The following CCSER1 variants were observed in gnomAD, a reference collection of about 807,000 sequenced individuals.
CCSER1 encodes serine-rich coiled-coil domain-containing protein 1.
In CCSER1, 41 loss-of-function variants were observed where a neutral mutation model predicts 82.0. The observed-to-expected ratio is 0.50, with a 90% CI of 0.39 to 0.65. CCSER1 has a LOEUF of 0.65. Ranked by LOEUF, CCSER1 falls within the 30% of genes least tolerant of loss-of-function variation. CCSER1 has a pLI of 0.00. For synonymous variants in CCSER1, 414 were observed against 383.9 expected, an observed-to-expected ratio of 1.08 and a Z score of -0.92; for missense variants, 1,119 against 1,064.2, an observed-to-expected ratio of 1.05 and a Z score of -0.72.
chr4:91,252,845 A>G (rs1740359611), intron 10 of CCSER1, among the ~76,000 whole-genome samples: 1 of 152,176 alleles, frequency 6.6e-6, no homozygotes, highest in Non-Finnish European at 1.5e-5. Flanking sequence ...CCAAAACCCA[A>G]CTGAACACAA....
chr4:91,145,652 A>G (rs1463139886), intron 10 of CCSER1, among the ~76,000 whole-genome samples: 18 of 152,052 alleles, frequency 1.2e-4, no homozygotes, highest in Admixed American at 1.2e-3. Context: ...TATAGTGGTA[A>G]TAGACTCTCT....
Position 91,600,229 on chromosome 4 carries a change from T to C in CCSER1, c.*1172T>C, listed in dbSNP as rs1176465987. On this transcript the variant is annotated 3_prime_UTR_variant, in exon 11 of 11. Transcript: ENST00000509176. Reference sequence around the variant, plus strand: ...CAAATAAGGCCCAAATATGTTATAATATGTTATATACTTATGTGCACTTTA... The same window carrying C: ...CAAATAAGGCCCAAATATGTTATAACATGTTATATACTTATGTGCACTTTA... 1 of 152,164 alleles carries C rather than the reference T, an allele frequency of 6.6e-6. No homozygotes were observed. The highest frequency in any genetic ancestry group is 2.4e-5 in the African/African-American group (1 of 41,448). The allele number at this position is 152,164 out of a possible 1,614,324, so 9.4% of individuals were successfully genotyped here.
intron 10 of CCSER1, among the ~76,000 whole-genome samples, chr4:91,105,067 C>T (rs560608328): frequency 1.3e-5 from 2 of 152,076 alleles, no homozygotes; most frequent in South Asian, 4.1e-4. Flanking sequence ...TCTTACCCTT[C>T]TGAATCTCCA....
intron 5 of CCSER1, among the ~76,000 whole-genome samples, chr4:90,570,515 C>T (rs949930548): frequency 3.9e-5 from 6 of 152,124 alleles, no homozygotes; most frequent in East Asian, 1.9e-4. Flanking sequence ...GCTTTGACTC[C>T]GGCAAGCACA....
chr4:91,377,435 C>T (rs1362401126), intron 10 of CCSER1, among the ~76,000 whole-genome samples: 1 of 152,092 alleles, frequency 6.6e-6, no homozygotes, highest in Non-Finnish European at 1.5e-5. Flanking sequence ...TTTTAATGAT[C>T]ACCATTCTAA....
chr4:90,414,464 C>A (rs1015939968), intron 4 of CCSER1, among the ~76,000 whole-genome samples: 1 of 151,822 alleles, frequency 6.6e-6, no homozygotes, highest in African/African-American at 2.4e-5. Flanking sequence ...ATTGTTTCTC[C>A]TTTAAATAAA....
chr4:91,238,747 C>G (rs2149127541), intron 10 of CCSER1, among the ~76,000 whole-genome samples: 1 of 152,134 alleles, frequency 6.6e-6, no homozygotes, highest in Admixed American at 6.5e-5. Context: ...AGCTGGTGAT[C>G]TATAGTTAGG....
intron 5 of CCSER1, among the ~76,000 whole-genome samples, chr4:90,577,673 C>T (rs1334341478): frequency 6.6e-6 from 1 of 151,910 alleles, no homozygotes; most frequent in African/African-American, 2.4e-5. Flanking sequence ...GCCTGGAATC[C>T]AAAAGTTCCA....
intron 6 of CCSER1, among the ~76,000 whole-genome samples, chr4:90,674,861 A>AC (rs113383572): frequency 4.2e-4 from 64 of 151,922 alleles, no homozygotes; most frequent in African/African-American, 1.4e-3. Flanking sequence ...TGGTGATTTC[A>AC]CCCCCAAGAA....
chr4:90,897,004 A>G (rs1037213202), intron 8 of CCSER1, among the ~76,000 whole-genome samples: 2 of 152,110 alleles, frequency 1.3e-5, no homozygotes, highest in African/African-American at 4.8e-5. Context: ...AAGAATTTCT[A>G]TGAGACATTG....
intron 10 of CCSER1, among the ~76,000 whole-genome samples, chr4:91,199,672 A>C (rs2149064511): frequency 6.6e-6 from 1 of 152,206 alleles, no homozygotes; most frequent in Non-Finnish European, 1.5e-5. Flanking sequence ...AAAGAGTTTG[A>C]GAATCATTAA....
At chr4:90,509,264 TAGA>T (rs1275067143) in intron 5 of CCSER1, among the ~76,000 whole-genome samples, 1 of 152,156 alleles carries the variant, frequency 6.6e-6, no homozygotes, top group Non-Finnish European at 1.5e-5. Context: ...ACTTCCTTTT[TAGA>T]AGGTTTAGAC....
intron 4 of CCSER1, among the ~76,000 whole-genome samples, chr4:90,445,964 G>A (rs1760591419): frequency 6.6e-6 from 1 of 152,132 alleles, no homozygotes; most frequent in South Asian, 2.1e-4. Context: ...GGTCCAACAG[G>A]ATGAAATACC....
intron 10 of CCSER1, among the ~76,000 whole-genome samples, chr4:91,433,269 T>C (rs1235819512): frequency 6.6e-6 from 1 of 152,162 alleles, no homozygotes; most frequent in Non-Finnish European, 1.5e-5. Flanking sequence ...CCTGTAAAAT[T>C]ATAATGGGGC....
At chr4:90,404,860 T>A (rs1312014819) in intron 4 of CCSER1, among the ~76,000 whole-genome samples, 1 of 152,162 alleles carries the variant, frequency 6.6e-6, no homozygotes, top group African/African-American at 2.4e-5. Context: ...AGAATCTGAA[T>A]AGCAGTCCAT....
At chr4:90,388,317 G>A (rs1175835076) in intron 3 of CCSER1, among the ~76,000 whole-genome samples, 3 of 143,352 alleles carry the variant, frequency 2.1e-5, no homozygotes, top group Non-Finnish European at 4.5e-5. Context: ...TTGTTTGTTT[G>A]TTTGTTTGTT....
chr4:91,276,293 CTTTTT>C (rs545936410), intron 10 of CCSER1, among the ~76,000 whole-genome samples: 3 of 116,270 alleles, frequency 2.6e-5, no homozygotes, highest in East Asian at 2.6e-4. Context: ...GATGTCTTTC[CTTTTT>C]TTTTTTTTTT....
intron 10 of CCSER1, among the ~76,000 whole-genome samples, chr4:91,170,776 A>G (rs1315459272): frequency 2.6e-5 from 4 of 152,182 alleles, no homozygotes; most frequent in Admixed American, 6.5e-5. Context: ...TTTGCAACAC[A>G]TGCCTGGAAC....
chr4:90,413,438 A>G (rs534221636), intron 4 of CCSER1, among the ~76,000 whole-genome samples: 1 of 152,278 alleles, frequency 6.6e-6, no homozygotes, highest in Non-Finnish European at 1.5e-5. Flanking sequence ...TTGCAGAACT[A>G]GAAAGAAAAA....
Sources: gnomAD v4.1 joint callset for allele counts (sites outside exome capture counted in the v4.1 genomes callset) on GRCh38, gnomAD v4.1.1 for gene constraint, MANE v1.5 for transcripts, NCBI Gene and HGNC (gene_info 2026-07-23, HGNC 2026-07-21) for gene names.